Variants in CCDC85C observed in about 807,000 individuals in gnomAD.
The protein encoded by CCDC85C is coiled-coil domain-containing protein 85C.
In CCDC85C, 18 loss-of-function variants were observed where a neutral mutation model predicts 38.3. The observed-to-expected ratio is 0.47, with a 90% CI of 0.33 to 0.70. The LOEUF is 0.70. Among genes scored for constraint, CCDC85C ranks in the 30% least tolerant of loss-of-function variants. The pLI is 0.03. For missense variants in CCDC85C, 566 were observed against 621.2 expected (o/e 0.91, Z 0.94); for synonymous variants, 264 against 293.8 (o/e 0.90, Z 1.04).
chr14:99,503,443 T>A lies in CCDC85C; in HGVS notation c.*11803A>T, dbSNP rs1896891499. The A allele has an allele frequency of 4.9e-6, 3 of 616,322 alleles. No individual in the cohort carries two copies. Among genetic ancestry groups the A allele is most frequent in the Non-Finnish European group, 8.7e-6 (3 of 344,638 alleles). The allele number at this position is 616,322 out of a possible 1,614,324, so 38.2% of individuals were successfully genotyped here. On this transcript the variant is annotated 3_prime_UTR_variant, in exon 6 of 6. Coordinates refer to ENST00000380243, the MANE Select transcript of CCDC85C (RefSeq NM_001144995.2). ...AAGAGGAAGGGAGCAGAAATGATGA[T>A]CTGGTAGGTGCCGTGGTTTGCCCTG...
Position 99,503,041 on chromosome 14 carries a change from C to A in CCDC85C, c.*12205G>T. 6.4e-7 allele frequency: 1 copy of A among 1,569,026 alleles called. No individual in the cohort carries two copies. Among genetic ancestry groups the A allele is most frequent in the Non-Finnish European group, 8.8e-7 (1 of 1,139,394 alleles). ...CAGGCTTTCCAGGTGGCGGCAACAC[C>A]TGAGCACTGTTCCCATTTCTAAGCG... On this transcript the variant is annotated 3_prime_UTR_variant, in exon 6 of 6. Coordinates refer to ENST00000380243, the MANE Select transcript of CCDC85C (RefSeq NM_001144995.2).
At chr14:99,523,849 T>G (rs1897335519) in intron 2 of CCDC85C, among the ~76,000 whole-genome samples, 1 of 152,142 alleles carries the variant, frequency 6.6e-6, no homozygotes, top group Non-Finnish European at 1.5e-5. Flanking sequence ...GACCACGGCA[T>G]TAACCCTGGC....
chr14:99,527,109 C>A (rs1213314631), intron 2 of CCDC85C, among the ~76,000 whole-genome samples: 1 of 152,252 alleles, frequency 6.6e-6, no homozygotes, highest in African/African-American at 2.4e-5. Context: ...CCCACGGGAA[C>A]TGCACCAGAG....
Position 99,569,235 on chromosome 14 carries a change from G to C in CCDC85C, c.794-33147C>G, listed in dbSNP as rs559695351. Among the ~76,000 whole-genome samples, 2 of 152,176 alleles carry C rather than the reference G, an allele frequency of 1.3e-5. No homozygotes were observed. Among genetic ancestry groups the C allele is most frequent in the Non-Finnish European group, 2.9e-5 (2 of 68,030 alleles). On this transcript the variant is annotated intron_variant, in intron 1 of 5. Coordinates refer to ENST00000380243, the MANE Select transcript of CCDC85C (RefSeq NM_001144995.2). This position sits in a 1 kb window ranked among gnomAD's most constrained non-coding sequence, Gnocchi z 4.3. ...AGACCTAAATCCTCCCAACTCCCAG[G>C]GGTGGCCCTCCAGTACGAAGGCTGA...
chr14:99,597,976 G>C (rs1199603657), intron 1 of CCDC85C, among the ~76,000 whole-genome samples: 1 of 152,248 alleles, frequency 6.6e-6, no homozygotes, highest in Non-Finnish European at 1.5e-5. Flanking sequence ...CTGAGGCTTA[G>C]AGGTTCAGTA....
chr14:99,563,333 C>T (rs1159189349), intron 1 of CCDC85C, among the ~76,000 whole-genome samples: 4 of 152,262 alleles, frequency 2.6e-5, no homozygotes, highest in African/African-American at 7.2e-5. Flanking sequence ...CCAGATGGCG[C>T]GGTGCAGGGA....
At chr14:99,587,770 C>T (rs1249063530) in intron 1 of CCDC85C, among the ~76,000 whole-genome samples, 1 of 152,176 alleles carries the variant, frequency 6.6e-6, no homozygotes, top group Non-Finnish European at 1.5e-5. Context: ...CCCTGTGCCC[C>T]CTTACTGCAC....
At chr14:99,586,792 G>C (rs950941015) in intron 1 of CCDC85C, among the ~76,000 whole-genome samples, 12 of 151,986 alleles carry the variant, frequency 7.9e-5, no homozygotes, top group Admixed American at 7.2e-4. Context: ...CTGCTCTGCC[G>C]GCCGCCCCTT....
chr14:99,528,129 C>T (rs1897423194), intron 2 of CCDC85C, among the ~76,000 whole-genome samples: 1 of 152,068 alleles, frequency 6.6e-6, no homozygotes, highest in Admixed American at 6.6e-5. Flanking sequence ...GAGTAGGGGA[C>T]AGAGCACACA....
chr14:99,518,432 C>T (rs1195427065), intron 3 of CCDC85C, among the ~76,000 whole-genome samples: 3 of 152,156 alleles, frequency 2.0e-5, no homozygotes, highest in Non-Finnish European at 4.4e-5. Context: ...CGCTGAGCCT[C>T]GGTTTCCTCG....
At chr14:99,553,934 C>A (rs1003706111) in intron 1 of CCDC85C, among the ~76,000 whole-genome samples, 2 of 152,170 alleles carry the variant, frequency 1.3e-5, no homozygotes, top group African/African-American at 4.8e-5. Flanking sequence ...GACAGAGGGT[C>A]CAGGGTCCTG....
intron 2 of CCDC85C, among the ~76,000 whole-genome samples, chr14:99,523,593 C>T (rs1239524331): frequency 6.6e-6 from 1 of 152,200 alleles, no homozygotes; most frequent in African/African-American, 2.4e-5. Flanking sequence ...GCCCACCAGA[C>T]GCCGGTCAGC....
chr14:99,571,799 C>T (rs572317498), intron 1 of CCDC85C, among the ~76,000 whole-genome samples: 156 of 152,312 alleles, frequency 1.0e-3, no homozygotes, highest in Non-Finnish European at 2.0e-3. Flanking sequence ...CAGTTCAATG[C>T]CCCCTGTGAC....
At chr14:99,515,631 C>T (rs1458312618) in intron 5 of CCDC85C, among the ~76,000 whole-genome samples, 3 of 152,086 alleles carry the variant, frequency 2.0e-5, no homozygotes, top group African/African-American at 4.8e-5. Flanking sequence ...CAGAGCCTCT[C>T]GCCCCCCCTT....
At chr14:99,559,667 G>A (rs375280050) in intron 1 of CCDC85C, among the ~76,000 whole-genome samples, 32 of 152,332 alleles carry the variant, frequency 2.1e-4, no homozygotes, top group African/African-American at 7.7e-4. Context: ...TCTTCCATCA[G>A]GGAGCAACGT....
chr14:99,579,806 C>T (rs997871120), intron 1 of CCDC85C, among the ~76,000 whole-genome samples: 11 of 152,098 alleles, frequency 7.2e-5, no homozygotes, highest in African/African-American at 2.7e-4. Flanking sequence ...CCATCCCACT[C>T]AGGAGTGGGG....
At chr14:99,554,221 C>T (rs1182547513) in intron 1 of CCDC85C, among the ~76,000 whole-genome samples, 3 of 152,192 alleles carry the variant, frequency 2.0e-5, no homozygotes, top group Non-Finnish European at 4.4e-5. Context: ...CACACGAGCT[C>T]CCCCATGGCA....
intron 1 of CCDC85C, among the ~76,000 whole-genome samples, chr14:99,565,404 A>G (rs992413036): frequency 6.6e-6 from 1 of 152,210 alleles, no homozygotes; most frequent in Non-Finnish European, 1.5e-5. Flanking sequence ...GGGAAGGAGG[A>G]GGAGGAAAGC....
rs927106413 is a variant in CCDC85C at position 99,505,491 on chromosome 14, G to A, written c.*9755C>T. 1.5e-4 allele frequency: 20 copies of A among 133,842 alleles called. No individual in the cohort carries two copies. The highest frequency in any genetic ancestry group is 5.1e-4 in the African/African-American group (18 of 35,326). 8.3% of individuals were successfully genotyped at this position (133,842 alleles called of 1,614,324 possible). A position where few individuals can be genotyped will look rare whatever the true frequency, so the allele number is the denominator to read the frequency against. ...GGTTACATGTTGAAATAAAATTTTCGATCTATCGGGTTAAATAAATTTTAT... is the reference window on the plus strand; with the variant it reads ...GGTTACATGTTGAAATAAAATTTTCAATCTATCGGGTTAAATAAATTTTAT... On this transcript the variant is annotated 3_prime_UTR_variant, in exon 6 of 6. Transcript: ENST00000380243.
Sources: allele counts gnomAD v4.1 joint callset (sites outside exome capture counted in the v4.1 genomes callset), GRCh38; gene constraint gnomAD v4.1.1; non-coding constraint Gnocchi (gnomAD v3.1); transcripts MANE v1.5; gene names NCBI Gene and HGNC (gene_info 2026-07-23, HGNC 2026-07-21).